Variants in NLGN1 observed in about 807,000 individuals in gnomAD.
NLGN1 encodes the protein neuroligin-1.
NLGN1 carries 12 observed loss-of-function variants against 65.5 expected under a neutral mutation model. The ratio of observed to expected loss-of-function variants is 0.18; its 90% CI spans 0.12 to 0.30. NLGN1 has a LOEUF of 0.30. Ranked by LOEUF, NLGN1 falls within the 10% of genes least tolerant of loss-of-function variation. The probability of loss-of-function intolerance (pLI) is 1.00; values close to 1 mark genes in which losing one functional copy is unlikely to be tolerated. For missense variants in NLGN1, 750 were observed against 1,007.1 expected, an observed-to-expected ratio of 0.74 and a Z score of 3.46; for synonymous variants, 350 against 359.5, an observed-to-expected ratio of 0.97 and a Z score of 0.30.
intron 4 of NLGN1, among the ~76,000 whole-genome samples, chr3:174,026,779 C>T (rs549785946): frequency 3.3e-5 from 5 of 152,220 alleles, no homozygotes; most frequent in African/African-American, 1.2e-4. Context: ...AACAAGCAAA[C>T]AAAACCACTT....
chr3:173,697,215 C>T (rs578224540), intron 3 of NLGN1, among the ~76,000 whole-genome samples: 5 of 152,136 alleles, frequency 3.3e-5, no homozygotes, highest in Non-Finnish European at 5.9e-5. Context: ...CATAAAACAA[C>T]CTGATGAGTT....
intron 3 of NLGN1, among the ~76,000 whole-genome samples, chr3:173,768,747 T>A (rs1178784722): frequency 6.6e-6 from 1 of 152,094 alleles, no homozygotes; most frequent in Admixed American, 6.6e-5. Flanking sequence ...TTATCAAAAG[T>A]AAAACAGCCC....
intron 2 of NLGN1, among the ~76,000 whole-genome samples, chr3:173,599,295 C>A (rs755810956): frequency 6.6e-6 from 1 of 152,214 alleles, no homozygotes; most frequent in South Asian, 2.1e-4. Context: ...TTATTACAGG[C>A]AAAGAATACA....
intron 4 of NLGN1, among the ~76,000 whole-genome samples, chr3:173,979,862 T>A (rs79801649): frequency 0.02 from 3,053 of 152,174 alleles, 97 homozygotes; most frequent in African/African-American, 0.07. Context: ...AAGTGTTTTA[T>A]ATATAAGAAT....
intron 4 of NLGN1, among the ~76,000 whole-genome samples, chr3:174,167,533 G>A (rs1166160667): frequency 1.3e-5 from 2 of 149,448 alleles, no homozygotes; most frequent in Admixed American, 6.7e-5. Context: ...GGCTTATAAG[G>A]TTTCTGCTCA....
chr3:173,458,519 C>G, intron 2 of NLGN1, among the ~76,000 whole-genome samples: 1 of 151,942 alleles, frequency 6.6e-6, no homozygotes, highest in East Asian at 1.9e-4. Flanking sequence ...AAAACCAAAC[C>G]AAACCCAAAC....
intron 2 of NLGN1, among the ~76,000 whole-genome samples, chr3:173,587,284 T>C (rs899767623): frequency 6.6e-6 from 1 of 152,194 alleles, no homozygotes; most frequent in Admixed American, 6.5e-5. Context: ...AGTGACCTTC[T>C]CTTTGTTATA....
intron 4 of NLGN1, among the ~76,000 whole-genome samples, chr3:173,961,252 C>G (rs932598409): frequency 3.3e-5 from 5 of 151,906 alleles, no homozygotes; most frequent in African/African-American, 1.2e-4. Flanking sequence ...CCTCTTAGAC[C>G]TATTGGCTCT....
chr3:174,081,163 C>T (rs746097960), intron 4 of NLGN1, among the ~76,000 whole-genome samples: 1 of 151,998 alleles, frequency 6.6e-6, no homozygotes, highest in Non-Finnish European at 1.5e-5. Flanking sequence ...ATAACTTAGA[C>T]AAGAAAAAGT....
At position 173,927,724 on chromosome 3, in the gene NLGN1, AACACAC is replaced by A. The variant is rs145960368; in HGVS notation, c.646+119903_646+119908del. The stretch of plus-strand genomic sequence containing the variant: ...CCCACTCTCAACTGCCGCTCCAGAA[AACACAC>A]ACACACACACGTACACACAGATACA... On this transcript the variant is annotated intron_variant, in intron 4 of 6. Transcript: ENST00000457714. Among the ~76,000 whole-genome samples the A allele has an allele frequency of 4.6e-5, 7 of 151,396 alleles. No individual in the cohort carries two copies. In the South Asian group the frequency reaches 1.5e-3, roughly 32 times the overall value.
At chr3:174,146,100 CCTTCCT>C (rs1274268310) in intron 4 of NLGN1, among the ~76,000 whole-genome samples, 8 of 96,892 alleles carry the variant, frequency 8.3e-5, no homozygotes, top group Non-Finnish European at 1.5e-4. Flanking sequence ...TCTTTTCCTT[CCTTCCT>C]TCCTTCCTTC....
intron 4 of NLGN1, among the ~76,000 whole-genome samples, chr3:173,896,880 TC>T (rs1247529914): frequency 6.6e-6 from 1 of 152,152 alleles, no homozygotes. Flanking sequence ...AATTGTCTCT[TC>T]CTTGCCACAC....
chr3:173,451,683 C>G (rs1721561746), intron 2 of NLGN1, among the ~76,000 whole-genome samples: 1 of 152,192 alleles, frequency 6.6e-6, no homozygotes, highest in Non-Finnish European at 1.5e-5. Context: ...GCAGGCAGGC[C>G]TCCTTGAGCT....
intron 2 of NLGN1, among the ~76,000 whole-genome samples, chr3:173,529,854 T>A (rs1324716544): frequency 6.6e-6 from 1 of 152,124 alleles, no homozygotes; most frequent in Non-Finnish European, 1.5e-5. Flanking sequence ...GTTGGCTGGT[T>A]GGGTTGACCG....
intron 4 of NLGN1, among the ~76,000 whole-genome samples, chr3:174,068,081 T>G (rs1003954419): frequency 1.3e-5 from 2 of 152,028 alleles, no homozygotes; most frequent in Non-Finnish European, 2.9e-5. Context: ...GTGTCCTTGC[T>G]TTGACTACTG....
At chr3:174,181,676 C>A (rs551596380) in intron 4 of NLGN1, among the ~76,000 whole-genome samples, 3 of 152,084 alleles carry the variant, frequency 2.0e-5, no homozygotes, top group African/African-American at 7.2e-5. Flanking sequence ...AACCTGTAAT[C>A]CCAGCATTTT....
intron 2 of NLGN1, among the ~76,000 whole-genome samples, chr3:173,487,786 T>A (rs553971202): frequency 6.6e-6 from 1 of 152,184 alleles, no homozygotes; most frequent in Admixed American, 6.5e-5. Flanking sequence ...TCTGAGTATT[T>A]GCCTAATTTC....
chr3:174,012,210 T>A (rs1387635797), intron 4 of NLGN1, among the ~76,000 whole-genome samples: 1 of 152,064 alleles, frequency 6.6e-6, no homozygotes, highest in East Asian at 1.9e-4. Flanking sequence ...TTACCACCCA[T>A]CTCCCATACT....
At chr3:173,967,024 A>T (rs1715025843) in intron 4 of NLGN1, among the ~76,000 whole-genome samples, 1 of 152,254 alleles carries the variant, frequency 6.6e-6, no homozygotes, top group Admixed American at 6.5e-5. Flanking sequence ...TGTGAGTCAT[A>T]CTTAACATCT....
Sources: allele counts gnomAD v4.1 joint callset (sites outside exome capture counted in the v4.1 genomes callset), GRCh38; gene constraint gnomAD v4.1.1; transcripts MANE v1.5; gene names NCBI Gene and HGNC (gene_info 2026-07-23, HGNC 2026-07-21).